ALDH1A2: variants seen among roughly 807,000 people sequenced by gnomAD.
ALDH1A2 encodes the protein retinal dehydrogenase 2.
ALDH1A2 carries 27 observed loss-of-function variants against 60.3 expected under a neutral mutation model. The observed-to-expected ratio is 0.45, with a 90% confidence interval of 0.33 to 0.62. The LOEUF is 0.62. ALDH1A2 is among the 20% of genes least tolerant of loss of function. The pLI is 0.02. For missense variants in ALDH1A2, 581 were observed against 643.8 expected (o/e 0.90, Z 1.06); for synonymous variants, 289 against 232.4 (o/e 1.24, Z -2.21).
intron 1 of ALDH1A2, among the ~76,000 whole-genome samples, chr15:58,054,395 T>G (rs964693919): frequency 1.3e-5 from 2 of 152,170 alleles, no homozygotes; most frequent in African/African-American, 4.8e-5. Flanking sequence ...TCATTTATAA[T>G]GAAACATTAA....
intron 7 of ALDH1A2, among the ~76,000 whole-genome samples, chr15:57,977,184 T>A (rs1220626751): frequency 5.9e-5 from 9 of 152,238 alleles, no homozygotes; most frequent in African/African-American, 2.2e-4. Context: ...GCAAAAACTT[T>A]GTCCCACTCT....
At chr15:57,963,064 G>A (rs1458071761) in intron 9 of ALDH1A2, among the ~76,000 whole-genome samples, 1 of 152,148 alleles carries the variant, frequency 6.6e-6, no homozygotes, top group African/African-American at 2.4e-5. Flanking sequence ...CAGCAAAAGG[G>A]AAGTGAGCCA....
intron 3 of ALDH1A2, chr15:58,011,949 G>A (rs1000073619): frequency 2.0e-5 from 3 of 152,244 alleles, no homozygotes; most frequent in East Asian, 1.9e-4. Context: ...GTGAGCTGCC[G>A]ACACCAGTCA....
chr15:58,008,582 C>T (rs1333310121), intron 4 of ALDH1A2, among the ~76,000 whole-genome samples: 1 of 152,044 alleles, frequency 6.6e-6, no homozygotes, highest in Admixed American at 6.6e-5. Flanking sequence ...ACCGTTAGGC[C>T]AAATAGAGAT....
intron 12 of ALDH1A2, among the ~76,000 whole-genome samples, chr15:57,958,421 TGAAACAGGCAGAA>T (rs1189393289): frequency 6.6e-6 from 1 of 152,010 alleles, no homozygotes; most frequent in Non-Finnish European, 1.5e-5. Context: ...ACAGGAAAAG[TGAAACAGGCAGAA>T]ATAGGTGGGC....
At chr15:58,040,759 T>G (rs1280591742) in intron 1 of ALDH1A2, among the ~76,000 whole-genome samples, 1 of 151,902 alleles carries the variant, frequency 6.6e-6, no homozygotes, top group African/African-American at 2.4e-5. Context: ...AAAACCAAAT[T>G]GAGCAAGAGA....
intron 1 of ALDH1A2, chr15:58,058,051 AC>A: frequency 6.5e-7 from 1 of 1,534,012 alleles, no homozygotes; most frequent in South Asian, 1.2e-5. Flanking sequence ...AAACAGTCTC[AC>A]ACTGATTCTT....
intron 1 of ALDH1A2, among the ~76,000 whole-genome samples, chr15:58,015,591 G>A (rs1895768157): frequency 6.6e-6 from 1 of 152,154 alleles, no homozygotes; most frequent in African/African-American, 2.4e-5. Context: ...TCTAGTCACA[G>A]GAAAAATAAA....
chr15:57,984,170 C>A (rs1894617848), intron 7 of ALDH1A2, among the ~76,000 whole-genome samples: 1 of 152,192 alleles, frequency 6.6e-6, no homozygotes, highest in Non-Finnish European at 1.5e-5. Context: ...AGCCCTACAA[C>A]TAACTAGCAT....
intron 3 of ALDH1A2, among the ~76,000 whole-genome samples, chr15:58,013,321 T>C (rs1895690384): frequency 6.6e-6 from 1 of 152,210 alleles, no homozygotes; most frequent in Non-Finnish European, 1.5e-5. Context: ...GTTGCTTGAC[T>C]GTTTTTAATT....
intron 3 of ALDH1A2, among the ~76,000 whole-genome samples, 187 bp from the exon 4 acceptor site, chr15:58,010,965 A>T (rs1302547707): frequency 6.6e-6 from 1 of 152,172 alleles, no homozygotes; most frequent in Admixed American, 6.6e-5. Context: ...CCTAGTAAAA[A>T]CCACAATGAG....
rs1375782119 is a variant in ALDH1A2 at position 57,995,233 on chromosome 15, AAAAC to A, written c.494-98_494-95del. On this transcript the variant is annotated intron_variant, in intron 4 of 12. Coordinates refer to ENST00000249750, the MANE Select transcript of ALDH1A2 (RefSeq NM_003888.4). ...TGGTGGCTGCAAAAAAAAAAAAAAA[AAAAC>A]AAACAGAAATAAACTTGAAAAAACA... 3.7e-4 allele frequency: 275 copies of A among 742,024 alleles called. 2 individuals carry two copies. The highest frequency in any genetic ancestry group is 6.2e-4 in the East Asian group (20 of 32,360). The allele number at this position is 742,024 out of a possible 1,614,324, so 46.0% of individuals were successfully genotyped here.
intron 1 of ALDH1A2, among the ~76,000 whole-genome samples, chr15:58,057,499 C>T (rs1419671061): frequency 1.3e-5 from 2 of 152,120 alleles, no homozygotes; most frequent in African/African-American, 2.4e-5. Context: ...GAAGCAAATA[C>T]TGCAAAACAT....
chr15:58,003,698 A>C (rs1396809943), intron 4 of ALDH1A2, among the ~76,000 whole-genome samples: 4 of 151,908 alleles, frequency 2.6e-5, no homozygotes, highest in Non-Finnish European at 5.9e-5. Flanking sequence ...TTCATCACAA[A>C]GAGGTTGTAG....
Position 58,043,503 on chromosome 15 carries a change from C to T in ALDH1A2, c.117+22031G>A, listed in dbSNP as rs188363728. Among the ~76,000 whole-genome samples the T allele has an allele frequency of 7.2e-5, 11 of 152,098 alleles. No homozygotes were observed. In the East Asian group the frequency reaches 2.1e-3, roughly 30 times the overall value. Reference sequence around the variant, plus strand: ...AGAGTGTATGTTAACATTTCATAGCCATTTGAATAACAGAATCTCCATGAC... The same window carrying T: ...AGAGTGTATGTTAACATTTCATAGCTATTTGAATAACAGAATCTCCATGAC... On this transcript the variant is annotated intron_variant, in intron 1 of 12. Transcript: ENST00000249750.
At chr15:58,032,523 T>C (rs1896267971) in intron 1 of ALDH1A2, among the ~76,000 whole-genome samples, 1 of 151,616 alleles carries the variant, frequency 6.6e-6, no homozygotes, top group Non-Finnish European at 1.5e-5. Context: ...AAGACAAAAA[T>C]AACAAATGCC....
chr15:58,023,240 T>C (rs1484224948), intron 1 of ALDH1A2, among the ~76,000 whole-genome samples: 1 of 152,160 alleles, frequency 6.6e-6, no homozygotes, highest in Non-Finnish European at 1.5e-5. Flanking sequence ...TAATTTCTAA[T>C]CTTCAAGACA....
chr15:58,033,303 GCTTT>G (rs55760279), intron 1 of ALDH1A2, among the ~76,000 whole-genome samples: 63,351 of 151,148 alleles, frequency 0.42, 13,509 homozygotes, highest in Non-Finnish European at 0.47. Flanking sequence ...AGGACTTGAT[GCTTT>G]CTATTTGACA....
At chr15:58,046,585 G>A (rs1340302223) in intron 1 of ALDH1A2, among the ~76,000 whole-genome samples, 2 of 152,008 alleles carry the variant, frequency 1.3e-5, no homozygotes, top group South Asian at 4.1e-4. Context: ...TGTAAATCCT[G>A]AGCAAGCTAT....
Sources: gnomAD v4.1 joint callset for allele counts (sites outside exome capture counted in the v4.1 genomes callset) on GRCh38, gnomAD v4.1.1 for gene constraint, MANE v1.5 for transcripts, NCBI Gene and HGNC (gene_info 2026-07-23, HGNC 2026-07-21) for gene names.